WWC1: variants seen among roughly 807,000 people sequenced by gnomAD.
WWC1 encodes WW and C2 domain containing 1, also known as protein KIBRA.
A neutral mutation model predicts 138.4 loss-of-function variants in WWC1; 55 were observed. That is an observed-to-expected ratio of 0.40 (90% CI 0.32 to 0.50). The LOEUF (loss-of-function observed/expected upper bound fraction) is 0.50. WWC1 is among the 20% of genes least tolerant of loss of function. WWC1 has a pLI of 0.72. For missense variants in WWC1, 1,226 were observed against 1,420.4 expected (o/e 0.86, Z 2.20); for synonymous variants, 524 against 564.9 (o/e 0.93, Z 1.03).
intron 1 of WWC1, among the ~76,000 whole-genome samples, chr5:168,361,269 C>A (rs1775858362): frequency 6.6e-6 from 1 of 152,136 alleles, no homozygotes; most frequent in African/African-American, 2.4e-5. Flanking sequence ...CATAGCCTAA[C>A]TCATAATTCA....
intron 7 of WWC1, among the ~76,000 whole-genome samples, chr5:168,408,912 GTCTCTTA>G (rs562216777): frequency 4.7e-4 from 71 of 152,262 alleles, no homozygotes; most frequent in African/African-American, 1.7e-3. Context: ...AGGTGCTTGT[GTCTCTTA>G]ATGCTGCACA....
chr5:168,460,799 C>T (rs1330923999), intron 20 of WWC1, 57 bp downstream of exon 20: 12 of 1,554,240 alleles, frequency 7.7e-6, no homozygotes, highest in Non-Finnish European at 9.8e-6. Context: ...TTGCCCCAAG[C>T]CCTGTGTCCT....
At chr5:168,372,433 A>G (rs1376460845) in intron 2 of WWC1, among the ~76,000 whole-genome samples, 3 of 152,198 alleles carry the variant, frequency 2.0e-5, no homozygotes, top group African/African-American at 7.2e-5. Context: ...CTCTCAGGCA[A>G]GAAGAAAATA....
chr5:168,451,903 C>CTTTTTTTTTTTTTTT (rs3085192), intron 17 of WWC1, among the ~76,000 whole-genome samples: 1 of 108,544 alleles, frequency 9.2e-6, no homozygotes, highest in Non-Finnish European at 1.8e-5. Context: ...TTGTTGGTGT[C>CTTTTTTTTTTTTTTT]TTTTTTTTTT....
At chr5:168,403,064 T>TTCTTTCTCTCTCTCTC (rs1252304020) in intron 5 of WWC1, among the ~76,000 whole-genome samples, 1 of 121,722 alleles carries the variant, frequency 8.2e-6, no homozygotes, top group South Asian at 2.4e-4. Flanking sequence ...CTTTCTTTCT[T>TTCTTTCTCTCTCTCTC]TCTTTCTTTC....
At chr5:168,414,764 A>G (rs1354335702) in intron 9 of WWC1, 174 bp downstream of exon 9, 1 of 984,780 alleles carries the variant, frequency 1.0e-6, no homozygotes, top group South Asian at 2.0e-5. Flanking sequence ...ATGGTTTGCC[A>G]TCCAGTGCGC....
chr5:168,458,960 T>C (rs1010954755), intron 19 of WWC1, among the ~76,000 whole-genome samples: 1 of 152,028 alleles, frequency 6.6e-6, no homozygotes, highest in Non-Finnish European at 1.5e-5. Context: ...ATTAAAACAA[T>C]GTAGAATAAA....
At position 168,431,405 on chromosome 5, in the gene WWC1, T is replaced by C; in HGVS notation, c.2241T>C (p.Asp747=). ...TTCACCAGAAGACCTTAAGAGTCGA[T>C]GTCTGTACCACCGACAGGAGCCATC... The part of the protein sequence containing the change: ...PALHQKTLRV[D]VCTTDRSHLE... The change falls in exon 15 of 23, where the codon GAT becomes GAC. Residue 747 remains aspartate (D), a synonymous_variant. Coordinates refer to ENST00000265293, the MANE Select transcript of WWC1 (RefSeq NM_015238.3). 1.9e-6 allele frequency: 3 copies of C among 1,613,994 alleles called. No individual in the cohort carries two copies. Among genetic ancestry groups the C allele is most frequent in the East Asian group, 2.2e-5 (1 of 44,870 alleles).
rs141542609 is a variant in WWC1 at position 168,440,341 on chromosome 5, C to T, written c.2281-1341C>T. On this transcript the variant is annotated intron_variant, in intron 15 of 22. Transcript: ENST00000265293. ...GTGAAGATGTAGAGAAATTGGAACT[C>T]GTGTGCATTGTTGGTGGGATTATAA... 7.2e-5 allele frequency among the ~76,000 whole-genome samples: 11 copies of T among 152,278 alleles called. 1 individual carries two copies. The East Asian group carries it at 1.7e-3, about 24-fold the overall frequency.
intron 8 of WWC1, chr5:168,414,129 T>G: frequency 1.7e-6 from 1 of 584,018 alleles, no homozygotes; most frequent in African/African-American, 1.9e-5. Flanking sequence ...CTTGTTCATG[T>G]CTGCACCCCA....
chr5:168,395,543 T>C (rs1485356979), intron 3 of WWC1, among the ~76,000 whole-genome samples: 1 of 152,212 alleles, frequency 6.6e-6, no homozygotes, highest in Non-Finnish European at 1.5e-5. Flanking sequence ...CTCCCCACAC[T>C]GTATGCTTAA....
intron 1 of WWC1, among the ~76,000 whole-genome samples, chr5:168,321,806 G>T (rs528424190): frequency 6.6e-6 from 1 of 152,298 alleles, no homozygotes; most frequent in South Asian, 2.1e-4. Flanking sequence ...CAAAGTGCTG[G>T]GATTACAGGC....
Position 168,464,854 on chromosome 5 carries a change from G to T in WWC1, c.3042G>T (p.Glu1014Asp). The change falls in exon 21 of 23, where the codon GAG becomes GAT. Residue 1014 changes from glutamate to aspartate, a missense_variant. Coordinates refer to ENST00000265293, the MANE Select transcript of WWC1 (RefSeq NM_015238.3). ...CCCAGGAGATCTCGGTGCTGAAGGA[G>T]CTCAAGGAGCAGCTGGAACAAGCCA... ...QLTQEISVLK[E>D]LKEQLEQAKS... 6.2e-6 allele frequency: 10 copies of T among 1,614,152 alleles called. No homozygotes were observed. Among genetic ancestry groups the T allele is most frequent in the Non-Finnish European group, 6.8e-6 (8 of 1,179,996 alleles).
At chr5:168,327,094 A>C (rs536167949) in intron 1 of WWC1, among the ~76,000 whole-genome samples, 2 of 152,220 alleles carry the variant, frequency 1.3e-5, no homozygotes, top group South Asian at 4.2e-4. Context: ...ATTTTCCAGC[A>C]ATCTCTTGTT....
chr5:168,428,873 A>C lies in WWC1; in HGVS notation c.2000+86A>C, dbSNP rs1045955491. On this transcript the variant is annotated intron_variant, in intron 13 of 22. Transcript: ENST00000265293. Reference sequence around the variant, plus strand: ...ACAGCGTTCCCCAGCATTTACCTTCACAGCCGCCCAGGGTGGAAGGCAGCA... The same window carrying C: ...ACAGCGTTCCCCAGCATTTACCTTCCCAGCCGCCCAGGGTGGAAGGCAGCA... 2.8e-6 allele frequency: 4 copies of C among 1,438,834 alleles called. No homozygotes were observed. In the African/African-American group the frequency reaches 4.2e-5, roughly 15 times the overall value. 89.1% of individuals were successfully genotyped at this position (1,438,834 alleles called of 1,614,324 possible).
At chr5:168,443,474 C>T (rs1754972941) in intron 16 of WWC1, among the ~76,000 whole-genome samples, 1 of 152,122 alleles carries the variant, frequency 6.6e-6, no homozygotes, top group African/African-American at 2.4e-5. Context: ...GTCTCAAACC[C>T]AGGTCTCTCA....
chr5:168,350,925 C>G (rs1434365325), intron 1 of WWC1, among the ~76,000 whole-genome samples: 2 of 152,074 alleles, frequency 1.3e-5, no homozygotes, highest in Non-Finnish European at 2.9e-5. Context: ...GCGGGCGGAT[C>G]ATTTGAGGTC....
chr5:168,347,471 G>A (rs554932485), intron 1 of WWC1, among the ~76,000 whole-genome samples: 2 of 152,276 alleles, frequency 1.3e-5, no homozygotes, highest in South Asian at 2.1e-4. Context: ...TGGACCTTTC[G>A]TTGAGATGCT....
intron 3 of WWC1, among the ~76,000 whole-genome samples, chr5:168,392,939 T>A (rs1462602581): frequency 2.0e-5 from 3 of 151,760 alleles, no homozygotes; most frequent in Non-Finnish European, 4.4e-5. Flanking sequence ...AGCTATATGG[T>A]CAGGAAACAA....
Sources: allele counts gnomAD v4.1 joint callset (sites outside exome capture counted in the v4.1 genomes callset), GRCh38; gene constraint gnomAD v4.1.1; transcripts MANE v1.5; gene names NCBI Gene and HGNC (gene_info 2026-07-23, HGNC 2026-07-21).